TMEM106B: variants seen among roughly 807,000 people sequenced by gnomAD.
The protein encoded by TMEM106B is transmembrane protein 106B.
TMEM106B carries 15 observed loss-of-function variants against 31.1 expected under a neutral mutation model. The observed-to-expected ratio is 0.48, with a 90% CI of 0.32 to 0.74. The LOEUF is 0.74. Among genes scored for constraint, TMEM106B ranks in the 30% least tolerant of loss-of-function variants. The pLI is 0.03. For missense variants in TMEM106B, 283 were observed against 327.3 expected (o/e 0.86, Z 1.04); for synonymous variants, 126 against 112.5 (o/e 1.12, Z -0.76).
chr7:12,243,150 A>G lies in TMEM106B; in HGVS notation c.*11175A>G, dbSNP rs1332810379. 2 of 152,094 alleles carry G rather than the reference A, an allele frequency of 1.3e-5. No homozygotes were observed. Among genetic ancestry groups the G allele is most frequent in the Non-Finnish European group, 2.9e-5 (2 of 67,966 alleles). The allele number at this position is 152,094 out of a possible 1,614,324, so 9.4% of individuals were successfully genotyped here. Reference sequence around the variant, plus strand: ...TAGTGATTTCAATAGTGGCATTGTCACATGATTCAAGAAGAGGAGGCCATT... The same window carrying G: ...TAGTGATTTCAATAGTGGCATTGTCGCATGATTCAAGAAGAGGAGGCCATT... On this transcript the variant is annotated 3_prime_UTR_variant, in exon 8 of 8. Transcript: ENST00000396668.
Position 12,232,306 on chromosome 7 carries a change from A to AT in TMEM106B, c.*335dup, listed in dbSNP as rs1782041810. On this transcript the variant is annotated 3_prime_UTR_variant, in exon 8 of 8. Transcript: ENST00000396668. ...AGCTCCAGTCACTACTGAAAACATA[A>AT]TTTTGGTGATAAACATAATTTGAGA... 1 of 163,772 alleles carries AT rather than the reference A, an allele frequency of 6.1e-6. No individual in the cohort carries two copies. The highest frequency in any genetic ancestry group is 2.4e-5 in the African/African-American group (1 of 41,976). 10.1% of individuals were successfully genotyped at this position (163,772 alleles called of 1,614,324 possible). A position where few individuals can be genotyped will look rare whatever the true frequency, so the allele number is the denominator to read the frequency against.
At position 12,237,050 on chromosome 7, in the gene TMEM106B, C is replaced by G. The variant is rs1337338096; in HGVS notation, c.*5075C>G. 6.7e-6 allele frequency: 1 copy of G among 150,320 alleles called. No individual in the cohort carries two copies. The highest frequency in any genetic ancestry group is 1.9e-4 in the East Asian group (1 of 5,186). 9.3% of individuals were successfully genotyped at this position (150,320 alleles called of 1,614,324 possible). On this transcript the variant is annotated 3_prime_UTR_variant, in exon 8 of 8. Transcript: ENST00000396668. ...TTATGTAGTAGCCTCCATCATGACA[C>G]ACTTACTACATTTATGAATTGAGCA...
At chr7:12,217,118 T>G (rs1044070428) in intron 2 of TMEM106B, among the ~76,000 whole-genome samples, 3 of 152,000 alleles carry the variant, frequency 2.0e-5, no homozygotes, top group Non-Finnish European at 4.4e-5. Context: ...ATTCGGGAGA[T>G]AAGAGAATTA....
At chr7:12,230,332 T>C in intron 5 of TMEM106B, 57 bp from the exon 6 acceptor site, 1 of 1,228,176 alleles carries the variant, frequency 8.1e-7, no homozygotes, top group Non-Finnish European at 1.2e-6. Flanking sequence ...GAAGTATATC[T>C]GAAATGTTTG....
chr7:12,226,941 CTT>C (rs986699164), intron 4 of TMEM106B, among the ~76,000 whole-genome samples: 1 of 151,828 alleles, frequency 6.6e-6, no homozygotes, highest in Non-Finnish European at 1.5e-5. Flanking sequence ...ATTGGCCAGA[CTT>C]TTTTTGGCCT....
At chr7:12,225,331 G>T (rs757963454) in intron 4 of TMEM106B, among the ~76,000 whole-genome samples, 1 of 152,098 alleles carries the variant, frequency 6.6e-6, no homozygotes. Context: ...TAAACATAAC[G>T]TGTTAATGTG....
chr7:12,215,982 G>A (rs1472844714), intron 2 of TMEM106B, among the ~76,000 whole-genome samples: 1 of 152,108 alleles, frequency 6.6e-6, no homozygotes, highest in Non-Finnish European at 1.5e-5. Flanking sequence ...GAAAGTTGAT[G>A]TGTGACCCTG....
rs1436033314 is a variant in TMEM106B at position 12,236,333 on chromosome 7, G to T, written c.*4358G>T. 1 of 151,860 alleles carries T rather than the reference G, an allele frequency of 6.6e-6. No homozygotes were observed. The highest frequency in any genetic ancestry group is 2.4e-5 in the African/African-American group (1 of 41,396). 9.4% of individuals were successfully genotyped at this position (151,860 alleles called of 1,614,324 possible). A position where few individuals can be genotyped will look rare whatever the true frequency, so the allele number is the denominator to read the frequency against. ...TTCCATTTTTAAAAGTAATTTGGTT[G>T]TGTTTATAGTTATTTGTACAAGTAT... On this transcript the variant is annotated 3_prime_UTR_variant, in exon 8 of 8. Transcript: ENST00000396668.
intron 1 of TMEM106B, among the ~76,000 whole-genome samples, chr7:12,213,890 TA>T (rs1434224777): frequency 6.6e-6 from 1 of 152,084 alleles, no homozygotes; most frequent in African/African-American, 2.4e-5. Flanking sequence ...CCTAAAAAGG[TA>T]GTTCAGGCCA....
chr7:12,231,870 T>A lies in TMEM106B; in HGVS notation c.720T>A (p.Ser240=), dbSNP rs769671545. The A allele has an allele frequency of 3.1e-6, 5 of 1,608,936 alleles. No individual in the cohort carries two copies. The highest frequency in any genetic ancestry group is 4.3e-6 in the Non-Finnish European group (5 of 1,176,372). ...TGACAACAACATACTTTGGCCACTC[T>A]GAACAGATATCCCAGGAGAGGTATC... is the stretch of plus-strand genomic sequence containing the variant. ...VTVTTTYFGH[S]EQISQERYQY... Residue 240 remains serine, a synonymous_variant, in exon 8 of 8, where the codon TCT becomes TCA. Transcript: ENST00000396668.
chr7:12,223,721 CCTT>C (rs1781834272), intron 3 of TMEM106B, among the ~76,000 whole-genome samples: 1 of 135,530 alleles, frequency 7.4e-6, no homozygotes, highest in African/African-American at 2.8e-5. Context: ...AAATGTGATT[CCTT>C]TTTTTTTTTT....
At chr7:12,220,387 C>G (rs914304087) in intron 3 of TMEM106B, among the ~76,000 whole-genome samples, 1 of 152,046 alleles carries the variant, frequency 6.6e-6, no homozygotes, top group African/African-American at 2.4e-5. Flanking sequence ...AATCATATCA[C>G]AGACAGAGGG....
intron 4 of TMEM106B, among the ~76,000 whole-genome samples, chr7:12,226,056 G>T (rs1781894823): frequency 6.6e-6 from 1 of 152,148 alleles, no homozygotes; most frequent in African/African-American, 2.4e-5. Flanking sequence ...TGTACAAGGT[G>T]TAAGGAAGGG....
rs1270153481 is a variant in TMEM106B at position 12,235,855 on chromosome 7, G to A, written c.*3880G>A. 6.6e-6 allele frequency: 1 copy of A among 151,812 alleles called. No individual in the cohort carries two copies. Among genetic ancestry groups the A allele is most frequent in the Admixed American group, 6.6e-5 (1 of 15,224 alleles). 9.4% of individuals were successfully genotyped at this position (151,812 alleles called of 1,614,324 possible). On this transcript the variant is annotated 3_prime_UTR_variant, in exon 8 of 8. Transcript: ENST00000396668. ...TTACTAGGGTTATAAGCAAAAGGTT[G>A]CTTACCATAATGTCATTAGGTCACG...
At chr7:12,230,292 G>C (rs1254873431) in intron 5 of TMEM106B, 97 bp from the exon 6 acceptor site, 1 of 891,384 alleles carries the variant, frequency 1.1e-6, no homozygotes, top group Non-Finnish European at 1.9e-6. Context: ...GCTTGTAAAA[G>C]GAGAAAAATT....
In TMEM106B at chr7:12,233,147, C is replaced by G. The variant is rs1782059672; in HGVS notation, c.*1172C>G. On this transcript the variant is annotated 3_prime_UTR_variant, in exon 8 of 8. Coordinates refer to ENST00000396668, the MANE Select transcript of TMEM106B (RefSeq NM_001134232.2). ...CTAGTAGTTACTTTTTTATAGTTTT[C>G]TACTTTTGGTTTTATTTAAAATTGT... 6.6e-6 allele frequency: 1 copy of G among 150,804 alleles called. No individual in the cohort carries two copies. Among genetic ancestry groups the G allele is most frequent in the Admixed American group, 6.6e-5 (1 of 15,150 alleles). 9.3% of individuals were successfully genotyped at this position (150,804 alleles called of 1,614,324 possible).
rs571207728 is a variant in TMEM106B at position 12,239,930 on chromosome 7, A to T, written c.*7955A>T. On this transcript the variant is annotated 3_prime_UTR_variant, in exon 8 of 8. Transcript: ENST00000396668. The stretch of plus-strand genomic sequence containing the variant: ...AAATGAGAACATGCTGTTGAAAAAA[A>T]TGGCACTCATAGACTTGTTGGACAC... The T allele has an allele frequency of 7.9e-4, 121 of 152,348 alleles. No homozygotes were observed. Among genetic ancestry groups the T allele is most frequent in the African/African-American group, 2.9e-3 (119 of 41,592 alleles). 9.4% of individuals were successfully genotyped at this position (152,348 alleles called of 1,614,324 possible).
intron 2 of TMEM106B, among the ~76,000 whole-genome samples, chr7:12,215,284 C>T (rs1209701140): frequency 6.6e-6 from 1 of 152,174 alleles, no homozygotes; most frequent in African/African-American, 2.4e-5. Flanking sequence ...AGCAGATATT[C>T]ACTGTCTTGT....
At position 12,235,615 on chromosome 7, in the gene TMEM106B, G is replaced by GAT. The variant is rs1200032080; in HGVS notation, c.*3644_*3645dup. The GAT allele has an allele frequency of 6.6e-6, 1 of 151,658 alleles. No individual in the cohort carries two copies. Among genetic ancestry groups the GAT allele is most frequent in the South Asian group, 2.1e-4 (1 of 4,828 alleles). The allele number at this position is 151,658 out of a possible 1,614,324, so 9.4% of individuals were successfully genotyped here. A position where few individuals can be genotyped will look rare whatever the true frequency, so the allele number is the denominator to read the frequency against. On this transcript the variant is annotated 3_prime_UTR_variant, in exon 8 of 8. Coordinates refer to ENST00000396668, the MANE Select transcript of TMEM106B (RefSeq NM_001134232.2). Reference sequence around the variant, plus strand: ...TCATGGTTCTTAGCCTTATTATTGTGATATAATTCTAGATATTTTCTTGGA... The same window carrying GAT: ...TCATGGTTCTTAGCCTTATTATTGTGATATATAATTCTAGATATTTTCTTGGA...
Sources: gnomAD v4.1 joint callset for allele counts (sites outside exome capture counted in the v4.1 genomes callset) on GRCh38, gnomAD v4.1.1 for gene constraint, MANE v1.5 for transcripts, NCBI Gene and HGNC (gene_info 2026-07-23, HGNC 2026-07-21) for gene names.